The following KCNH8 variants were observed in gnomAD, a reference collection of about 807,000 sequenced individuals.
The protein encoded by KCNH8 is potassium voltage-gated channel subfamily H member 8, also known as voltage-gated delayed rectifier potassium channel KCNH8.
KCNH8 carries 70 observed loss-of-function variants against 103.6 expected under a neutral mutation model. The ratio of observed to expected loss-of-function variants is 0.68; its 90% CI spans 0.56 to 0.82. KCNH8 has a LOEUF of 0.82. KCNH8 is among the 40% of genes least tolerant of loss of function. The pLI is 0.00. For synonymous variants in KCNH8, 498 were observed against 489.4 expected (o/e 1.02, Z -0.23); for missense variants, 1,217 against 1,329.9 (o/e 0.92, Z 1.32).
chr3:19,165,207 A>G lies in KCNH8; in HGVS notation c.76+16412A>G, dbSNP rs931560249. 2.0e-5 allele frequency among the ~76,000 whole-genome samples: 3 copies of G among 152,236 alleles called. 1 individual carries two copies. The highest frequency in any genetic ancestry group is 7.2e-5 in the African/African-American group (3 of 41,470). On this transcript the variant is annotated intron_variant, in intron 1 of 15. Coordinates refer to ENST00000328405, the MANE Select transcript of KCNH8 (RefSeq NM_144633.3). ...TCTGGGGTGGAAGAGAGAAGGGTAGAGTTAAAACTACAGCACTATTAGGTT... is the reference window on the plus strand; with the variant it reads ...TCTGGGGTGGAAGAGAGAAGGGTAGGGTTAAAACTACAGCACTATTAGGTT...
chr3:19,296,876 G>C (rs1033095996), intron 3 of KCNH8, among the ~76,000 whole-genome samples: 5 of 150,208 alleles, frequency 3.3e-5, no homozygotes, highest in Non-Finnish European at 7.4e-5. Context: ...AAAAAAAAAA[G>C]ACATGAAAAG....
intron 7 of KCNH8, among the ~76,000 whole-genome samples, chr3:19,433,871 C>T (rs1316730421): frequency 1.3e-5 from 2 of 152,174 alleles, no homozygotes; most frequent in Non-Finnish European, 2.9e-5. Context: ...TTGATCACAT[C>T]TCATAAAATG....
At chr3:19,448,853 G>A (rs543632013) in intron 8 of KCNH8, 6 of 472,834 alleles carry the variant, frequency 1.3e-5, no homozygotes, top group African/African-American at 9.9e-5. Flanking sequence ...TAAGGATCAG[G>A]GATAAAATCT....
intron 1 of KCNH8, among the ~76,000 whole-genome samples, chr3:19,248,939 T>G (rs1196839588): frequency 6.6e-6 from 1 of 152,212 alleles, no homozygotes; most frequent in Non-Finnish European, 1.5e-5. Context: ...TGAAGATTCA[T>G]GAAAGCTTCT....
intron 6 of KCNH8, among the ~76,000 whole-genome samples, chr3:19,394,436 C>G (rs1315729869): frequency 1.3e-5 from 2 of 151,778 alleles, no homozygotes; most frequent in African/African-American, 4.8e-5. Context: ...AAATTCCTGT[C>G]CATTTCATTT....
At chr3:19,153,992 A>G (rs2063156327) in intron 1 of KCNH8, among the ~76,000 whole-genome samples, 1 of 152,164 alleles carries the variant, frequency 6.6e-6, no homozygotes, top group South Asian at 2.1e-4. Context: ...TCATGCTAGG[A>G]TATTTGGAAT....
chr3:19,354,092 A>G (rs954478668), intron 5 of KCNH8, among the ~76,000 whole-genome samples: 3 of 152,184 alleles, frequency 2.0e-5, no homozygotes, highest in Admixed American at 2.0e-4. Flanking sequence ...CACCAATAAC[A>G]GACAGAGAGC....
intron 1 of KCNH8, among the ~76,000 whole-genome samples, chr3:19,179,663 G>T (rs951432999): frequency 6.6e-6 from 1 of 152,020 alleles, no homozygotes; most frequent in Non-Finnish European, 1.5e-5. Context: ...TGTTTCCAAA[G>T]AAATACAATA....
intron 11 of KCNH8, among the ~76,000 whole-genome samples, chr3:19,481,723 G>A (rs1348155901): frequency 1.3e-5 from 2 of 152,162 alleles, no homozygotes; most frequent in African/African-American, 4.8e-5. Flanking sequence ...TCGGCTTTAT[G>A]GGAATCATCA....
intron 11 of KCNH8, among the ~76,000 whole-genome samples, chr3:19,501,863 C>A (rs1409387088): frequency 6.6e-6 from 1 of 152,094 alleles, no homozygotes; most frequent in East Asian, 1.9e-4. Flanking sequence ...TGAAAACTGG[C>A]ACAAGACAGG....
At chr3:19,319,683 T>C (rs1350923216) in intron 3 of KCNH8, among the ~76,000 whole-genome samples, 2 of 152,092 alleles carry the variant, frequency 1.3e-5, no homozygotes, top group African/African-American at 4.8e-5. Context: ...TTCAGGATTG[T>C]TCTTTCTACT....
intron 2 of KCNH8, among the ~76,000 whole-genome samples, chr3:19,279,094 G>A (rs949171216): frequency 3.3e-5 from 5 of 152,070 alleles, no homozygotes; most frequent in South Asian, 4.1e-4. Flanking sequence ...ATTTCATACC[G>A]TTCTTTGTGT....
intron 15 of KCNH8, among the ~76,000 whole-genome samples, chr3:19,531,901 T>C (rs1017148912): frequency 6.6e-6 from 1 of 152,208 alleles, no homozygotes; most frequent in Non-Finnish European, 1.5e-5. Context: ...TGGTTCACGA[T>C]AGTAAAATAA....
intron 1 of KCNH8, among the ~76,000 whole-genome samples, chr3:19,216,473 ACTT>A (rs2063819261): frequency 1.3e-5 from 2 of 152,244 alleles, no homozygotes; most frequent in South Asian, 2.1e-4. Flanking sequence ...AATTCTTGAT[ACTT>A]CTTCTTAATA....
At chr3:19,248,650 A>G (rs1287001571) in intron 1 of KCNH8, among the ~76,000 whole-genome samples, 1 of 152,220 alleles carries the variant, frequency 6.6e-6, no homozygotes, top group East Asian at 1.9e-4. Context: ...TTTAATCTCC[A>G]GCATTGGATC....
chr3:19,346,269 G>A (rs2065726911), intron 4 of KCNH8, among the ~76,000 whole-genome samples: 1 of 151,960 alleles, frequency 6.6e-6, no homozygotes, highest in Non-Finnish European at 1.5e-5. Context: ...AAGCCCAACG[G>A]GGCTACTTCA....
intron 1 of KCNH8, among the ~76,000 whole-genome samples, chr3:19,231,162 G>C (rs1233243950): frequency 6.6e-6 from 1 of 151,936 alleles, no homozygotes; most frequent in South Asian, 2.1e-4. Flanking sequence ...TGAAAAAGAA[G>C]AACTATTTTC....
At chr3:19,275,835 G>A (rs1468639194) in intron 2 of KCNH8, among the ~76,000 whole-genome samples, 1 of 152,034 alleles carries the variant, frequency 6.6e-6, no homozygotes, top group Non-Finnish European at 1.5e-5. Flanking sequence ...ATTAGAGTCT[G>A]GAATGTTGTG....
chr3:19,287,706 C>T (rs564096739), intron 3 of KCNH8, among the ~76,000 whole-genome samples: 1 of 152,272 alleles, frequency 6.6e-6, no homozygotes, highest in South Asian at 2.1e-4. Flanking sequence ...CTGCCTCAGC[C>T]TCCTGAGTAG....
Sources: allele counts gnomAD v4.1 joint callset (sites outside exome capture counted in the v4.1 genomes callset), GRCh38; gene constraint gnomAD v4.1.1; transcripts MANE v1.5; gene names NCBI Gene and HGNC (gene_info 2026-07-23, HGNC 2026-07-21).